CSF2RA: variants seen among roughly 807,000 people sequenced by gnomAD.
CSF2RA encodes granulocyte-macrophage colony-stimulating factor receptor subunit alpha.
Under a neutral mutation model 51.6 loss-of-function variants are expected in CSF2RA, and 42 were observed. That is an observed-to-expected ratio of 0.81 (90% CI 0.64 to 1.05). CSF2RA has a LOEUF of 1.05. Ranked by LOEUF, CSF2RA falls within the 50% of genes least tolerant of loss-of-function variation. CSF2RA has a pLI of 0.00. For missense variants in CSF2RA, 530 were observed against 501.1 expected (o/e 1.06, Z -0.55); for synonymous variants, 222 against 193.0 (o/e 1.15, Z -1.24).
downstream of CSF2RA, chrX:1,310,255 A>G (rs2084103302): frequency 6.4e-6 from 1 of 157,434 alleles, no homozygotes; most frequent in African/African-American, 2.4e-5. Flanking sequence ...TCTCTTTCCA[A>G]CCCAACTACT....
downstream of CSF2RA, among the ~76,000 whole-genome samples, chrX:1,310,931 T>A (rs1209932339): frequency 4.6e-5 from 7 of 151,960 alleles, no homozygotes. Flanking sequence ...TCTCTATTTG[T>A]TCCTGAAAGA....
intron 10 of CSF2RA, 124 bp downstream of exon 10, chrX:1,300,750 C>T: frequency 7.9e-7 from 1 of 1,272,076 alleles, no homozygotes; most frequent in Non-Finnish European, 1.1e-6. Context: ...GGAGTAGTGT[C>T]AGGCTCTGAG....
chrX:1,283,167 GTTCCTTCCTTCCTTCC>G (rs55802277), intron 3 of CSF2RA, among the ~76,000 whole-genome samples: 1 of 135,036 alleles, frequency 7.4e-6, no homozygotes, highest in Non-Finnish European at 1.6e-5. Flanking sequence ...TCCTTCCTTC[GTTCCTTCCTTCCTTCC>G]TTCCTTCCTT....
chrX:1,305,639 G>T, intron 12 of CSF2RA, 112 bp downstream of exon 12: 1 of 1,612,448 alleles, frequency 6.2e-7, no homozygotes, highest in South Asian at 1.1e-5. Flanking sequence ...TGGGACCGCA[G>T]CGTCACCACC....
downstream of CSF2RA, among the ~76,000 whole-genome samples, chrX:1,314,554 A>ACTTGCCCAACCCCACTGTG (rs2084413744): frequency 1.2e-5 from 1 of 82,282 alleles, no homozygotes; most frequent in Non-Finnish European, 2.3e-5. Flanking sequence ...ATCCCACTGC[A>ACTTGCCCAACCCCACTGTG]CCTGCCCAAT....
chrX:1,302,428 G>A (rs1289713919), intron 10 of CSF2RA, among the ~76,000 whole-genome samples: 1 of 152,150 alleles, frequency 6.6e-6, no homozygotes, highest in Non-Finnish European at 1.5e-5. Context: ...AGACAAAATG[G>A]GGTACAGGGA....
At chrX:1,317,041 G>T in the CSF2RA span, among the ~76,000 whole-genome samples, 2 of 151,864 alleles carry the variant, frequency 1.3e-5, no homozygotes, top group African/African-American at 4.8e-5. Context: ...CCGCTTCCCG[G>T]GTTCACGCCA....
chrX:1,270,371 C>G (rs1345274159), intron 1 of CSF2RA, among the ~76,000 whole-genome samples: 1 of 151,924 alleles, frequency 6.6e-6, no homozygotes. Flanking sequence ...TCCCGAGTAG[C>G]TGGGTCAAAG....
chrX:1,287,466 T>A (rs1300377372), intron 4 of CSF2RA, among the ~76,000 whole-genome samples: 4 of 142,352 alleles, frequency 2.8e-5, no homozygotes, highest in Non-Finnish European at 4.6e-5. Flanking sequence ...TTTTTTGGGA[T>A]GGAGTCTCGC....
intron 3 of CSF2RA, among the ~76,000 whole-genome samples, chrX:1,283,278 G>A (rs1289976866): frequency 7.2e-6 from 1 of 139,108 alleles, no homozygotes; most frequent in Non-Finnish European, 1.5e-5. Flanking sequence ...TCTCCCTCCT[G>A]ATTCATTTCT....
chrX:1,295,562 GTCCCC>G, intron 9 of CSF2RA, 106 bp downstream of exon 9: 1 of 849,984 alleles, frequency 1.2e-6, no homozygotes, highest in Non-Finnish European at 1.9e-6. Context: ...GACCCCTACA[GTCCCC>G]TACCGACGAC....
chrX:1,285,025 A>G (rs1344747468), intron 3 of CSF2RA, among the ~76,000 whole-genome samples: 3 of 151,822 alleles, frequency 2.0e-5, no homozygotes, highest in African/African-American at 7.3e-5. Context: ...AGCTGGGACC[A>G]CAGATGTGCA....
Position 1,285,893 on chromosome X carries a change from CAAG to C in CSF2RA, c.198_200del (p.Lys66del), listed in dbSNP as rs1329973338. The C allele has an allele frequency of 3.7e-6, 6 of 1,613,732 alleles. No individual in the cohort carries two copies. The highest frequency in any genetic ancestry group is 2.7e-5 in the African/African-American group (2 of 74,876). Reference sequence around the variant, plus strand: ...CCTTCAGCAAGTGTTTCTTAACTGACAAGAAGAACAGAGTCGTGGAACCCAGGG... The same window carrying C: ...CCTTCAGCAAGTGTTTCTTAACTGACAAGAACAGAGTCGTGGAACCCAGGG... On this transcript the variant is annotated inframe_deletion, in exon 4 of 13. Transcript: ENST00000381529.
chrX:1,287,168 T>A, intron 4 of CSF2RA: 1 of 150,490 alleles, frequency 6.6e-6, no homozygotes, highest in African/African-American at 2.5e-5. Context: ...TTTTTTTTTT[T>A]TTGAGATGGA....
chrX:1,277,783 C>T (rs761641373), intron 2 of CSF2RA, among the ~76,000 whole-genome samples: 2 of 146,800 alleles, frequency 1.4e-5, no homozygotes, highest in South Asian at 2.2e-4. Context: ...TCGAGACCAG[C>T]CTGACCAACA....
At position 1,300,577 on chromosome X, in the gene CSF2RA, A is replaced by C. The variant is rs199982037; in HGVS notation, c.897A>C (p.Ala299=). ...AACACAGTGTGAAGATCAGAGCTGC[A>C]GACGTCCGCATCTTGAATTGGAGCT... ...RAKHSVKIRA[A]DVRILNWSSW... Residue 299 remains alanine, a synonymous_variant, in exon 10 of 13, where the codon GCA becomes GCC. Transcript: ENST00000381529. 2 of 1,613,938 alleles carry C rather than the reference A, an allele frequency of 1.2e-6. No homozygotes were observed. Among genetic ancestry groups the C allele is most frequent in the Non-Finnish European group, 1.7e-6 (2 of 1,179,852 alleles).
intron 3 of CSF2RA, 82 bp downstream of exon 3, chrX:1,282,861 G>T: frequency 8.5e-7 from 1 of 1,182,068 alleles, no homozygotes; most frequent in Non-Finnish European, 1.3e-6. Context: ...GGATACCTGG[G>T]TCCATCTGCA....
chrX:1,320,204 T>C, the CSF2RA span, among the ~76,000 whole-genome samples: 1 of 150,622 alleles, frequency 6.6e-6, no homozygotes, highest in South Asian at 2.1e-4. Flanking sequence ...CTGTTTGTAT[T>C]TTTATTAGAG....
At chrX:1,286,191 C>G (rs1211634608) in intron 4 of CSF2RA, among the ~76,000 whole-genome samples, 2 of 151,848 alleles carry the variant, frequency 1.3e-5, no homozygotes, top group East Asian at 1.9e-4. Context: ...AAGAATTACT[C>G]GAACCCGGGA....
Sources: gnomAD v4.1 joint callset for allele counts (sites outside exome capture counted in the v4.1 genomes callset) on GRCh38, gnomAD v4.1.1 for gene constraint, MANE v1.5 for transcripts, NCBI Gene and HGNC (gene_info 2026-07-23, HGNC 2026-07-21) for gene names.